Variants in RELN observed in about 807,000 individuals in gnomAD.
The protein encoded by RELN is reelin.
Under a neutral mutation model 427.6 loss-of-function variants are expected in RELN, and 108 were observed. The observed-to-expected ratio is 0.25, with a 90% CI of 0.22 to 0.30. The LOEUF (loss-of-function observed/expected upper bound fraction) is 0.30. Among genes scored for constraint, RELN ranks in the 10% least tolerant of loss-of-function variants. RELN has a pLI of 1.00. For synonymous variants in RELN, 1,524 were observed against 1,513.4 expected (o/e 1.01, Z -0.16); for missense variants, 3,715 against 4,302.8 (o/e 0.86, Z 3.82).
At chr7:103,585,963 A>G (rs1831260513) in intron 28 of RELN, among the ~76,000 whole-genome samples, 1 of 152,204 alleles carries the variant, frequency 6.6e-6, no homozygotes, top group Non-Finnish European at 1.5e-5. Flanking sequence ...ACATATGATC[A>G]TTTCAATAAA....
intron 3 of RELN, among the ~76,000 whole-genome samples, chr7:103,813,752 G>A (rs202049254): frequency 1.3e-5 from 2 of 152,164 alleles, no homozygotes; most frequent in East Asian, 3.9e-4. Flanking sequence ...AAGAAAAAGA[G>A]GAAAGCTTGA....
At chr7:103,545,381 C>T (rs1212731859) in intron 41 of RELN, 37 bp from the exon 42 acceptor site, 4 of 1,408,296 alleles carry the variant, frequency 2.8e-6, no homozygotes, top group African/African-American at 1.4e-5. Flanking sequence ...AGCTAATCAA[C>T]AGAACAATAT....
chr7:103,986,942 G>C (rs1797111643), intron 1 of RELN, among the ~76,000 whole-genome samples: 1 of 89,264 alleles, frequency 1.1e-5, no homozygotes, highest in Non-Finnish European at 2.1e-5. Flanking sequence ...GTGTGTGTGT[G>C]TGTGTGTGTG....
At chr7:103,717,931 A>C (rs1275476044) in intron 8 of RELN, among the ~76,000 whole-genome samples, 1 of 152,174 alleles carries the variant, frequency 6.6e-6, no homozygotes, top group Non-Finnish European at 1.5e-5. Flanking sequence ...TCTCTACTGA[A>C]TCAAGTTCTG....
chr7:103,850,425 G>T (rs1267987518), intron 2 of RELN, among the ~76,000 whole-genome samples: 1 of 152,178 alleles, frequency 6.6e-6, no homozygotes, highest in Non-Finnish European at 1.5e-5. Flanking sequence ...AGAGGTAGGG[G>T]AAGCAGCAGA....
At chr7:103,612,311 CT>C (rs772526302) in intron 20 of RELN, among the ~76,000 whole-genome samples, 7,683 of 142,574 alleles carry the variant, frequency 0.054, 562 homozygotes, top group African/African-American at 0.18. Flanking sequence ...TTAAATAAGC[CT>C]TTTTTTTTTT....
chr7:103,672,645 T>C (rs1003718904), intron 11 of RELN, among the ~76,000 whole-genome samples: 6 of 152,144 alleles, frequency 3.9e-5, no homozygotes, highest in Admixed American at 1.3e-4. Flanking sequence ...TTTTAATTAA[T>C]ATTTTTTTTC....
At chr7:103,688,705 C>G (rs541995679) in intron 10 of RELN, among the ~76,000 whole-genome samples, 3 of 151,912 alleles carry the variant, frequency 2.0e-5, no homozygotes, top group African/African-American at 7.3e-5. Flanking sequence ...ACAGCAGAAG[C>G]CCAGAATAAA....
At chr7:103,960,479 T>C (rs1796527344) in intron 1 of RELN, among the ~76,000 whole-genome samples, 2 of 152,232 alleles carry the variant, frequency 1.3e-5, no homozygotes, top group Admixed American at 1.3e-4. Context: ...TTAGTTTTAT[T>C]TATCTCATCT....
chr7:103,507,715 T>C (rs927989053), intron 51 of RELN, among the ~76,000 whole-genome samples: 1 of 151,430 alleles, frequency 6.6e-6, no homozygotes, highest in Non-Finnish European at 1.5e-5. Context: ...AGACACAAAA[T>C]ACCCTTCAAA....
chr7:103,571,785 G>A (rs1830886921), intron 31 of RELN, among the ~76,000 whole-genome samples: 1 of 152,170 alleles, frequency 6.6e-6, no homozygotes, highest in African/African-American at 2.4e-5. Context: ...CGGAATATAA[G>A]TTTATGGGCC....
At chr7:103,846,541 C>CA (rs780670083) in intron 2 of RELN, among the ~76,000 whole-genome samples, 2 of 152,122 alleles carry the variant, frequency 1.3e-5, no homozygotes, top group Non-Finnish European at 2.9e-5. Context: ...ACTAAAACAC[C>CA]AAAAGCAACG....
intron 11 of RELN, 30 bp from the exon 12 acceptor site, chr7:103,661,557 G>A: frequency 1.2e-6 from 2 of 1,606,226 alleles, no homozygotes; most frequent in East Asian, 4.5e-5. Flanking sequence ...AAGAGTTAGA[G>A]TTAGAATATT....
chr7:103,965,211 AT>A (rs1309342488), intron 1 of RELN, among the ~76,000 whole-genome samples: 21 of 152,338 alleles, frequency 1.4e-4, no homozygotes, highest in Non-Finnish European at 2.5e-4. Context: ...CTATTTTTAA[AT>A]CAAAATGAGA....
At chr7:103,524,811 C>T (rs1264884418) in intron 46 of RELN, among the ~76,000 whole-genome samples, 1 of 152,118 alleles carries the variant, frequency 6.6e-6, no homozygotes, top group Admixed American at 6.5e-5. Context: ...GTCTGTTGAG[C>T]GTCTATGTAC....
intron 27 of RELN, among the ~76,000 whole-genome samples, chr7:103,592,365 A>T (rs1831436768): frequency 1.3e-5 from 2 of 152,148 alleles, no homozygotes; most frequent in African/African-American, 2.4e-5. Context: ...AAAAGTCATG[A>T]TGTCATCCTT....
chr7:103,688,737 C>A (rs1424524241), intron 10 of RELN, among the ~76,000 whole-genome samples: 1 of 151,974 alleles, frequency 6.6e-6, no homozygotes, highest in East Asian at 1.9e-4. Context: ...TTATTCAGGA[C>A]TGGAGACTTG....
At chr7:103,670,026 T>C (rs1051604676) in intron 11 of RELN, among the ~76,000 whole-genome samples, 1 of 152,126 alleles carries the variant, frequency 6.6e-6, no homozygotes, top group African/African-American at 2.4e-5. Flanking sequence ...AATTTATATT[T>C]TTAAAATAAG....
intron 51 of RELN, among the ~76,000 whole-genome samples, chr7:103,505,283 CCAGTAGGGGCCGA>C (rs1272355575): frequency 6.6e-6 from 1 of 152,162 alleles, no homozygotes; most frequent in Non-Finnish European, 1.5e-5. Flanking sequence ...GAGACACCTC[CCAGTAGGGGCCGA>C]CAGACACCTC....
Sources: gnomAD v4.1 joint callset for allele counts (sites outside exome capture counted in the v4.1 genomes callset) on GRCh38, gnomAD v4.1.1 for gene constraint, MANE v1.5 for transcripts, NCBI Gene and HGNC (gene_info 2026-07-23, HGNC 2026-07-21) for gene names.